Variants in FZR1 observed in about 807,000 individuals in gnomAD.
The protein encoded by FZR1 is fizzy-related protein homolog.
In FZR1, 11 loss-of-function variants were observed where a neutral mutation model predicts 63.6. The ratio of observed to expected loss-of-function variants is 0.17; its 90% CI spans 0.11 to 0.29. FZR1 has a LOEUF of 0.29. FZR1 is among the 10% of genes least tolerant of loss of function. The pLI is 1.00. For missense variants in FZR1, 440 were observed against 687.5 expected (o/e 0.64, Z 4.03); for synonymous variants, 328 against 297.9 (o/e 1.10, Z -1.04).
chr19:3,529,537 T>G (rs2083209025), intron 7 of FZR1, among the ~76,000 whole-genome samples: 2 of 98,738 alleles, frequency 2.0e-5, no homozygotes, highest in Non-Finnish European at 4.1e-5. Context: ...TGGATGAGAG[T>G]GGTTGAGGGA....
intron 1 of FZR1, among the ~76,000 whole-genome samples, chr19:3,520,649 T>C (rs1012970041): frequency 2.0e-5 from 3 of 152,242 alleles, no homozygotes. Context: ...CATGCGTCCC[T>C]TGACTGCGGG....
intron 7 of FZR1, among the ~76,000 whole-genome samples, chr19:3,528,949 CGGATGGGTGAGT>C (rs2083195191): frequency 7.7e-6 from 1 of 129,176 alleles, no homozygotes; most frequent in African/African-American, 3.0e-5. Context: ...GATGGGAGAG[CGGATGGGTGAGT>C]GGATGGGAGA....
chr19:3,534,347 T>C, intron 12 of FZR1, 74 bp from the exon 13 acceptor site: 1 of 767,048 alleles, frequency 1.3e-6, no homozygotes, highest in East Asian at 3.0e-5. Flanking sequence ...TGCTCCCCTC[T>C]CCTTCAGTCC....
chr19:3,525,742 C>T lies in FZR1; in HGVS notation c.70-126C>T, dbSNP rs968082153. ...CGGGCGTGAGCCACCGCGCCTGGCC[C>T]ACCCCTTGGGTTTTCAAGATCAAAG... On this transcript the variant is annotated intron_variant, in intron 2 of 13. Coordinates refer to ENST00000441788, the MANE Select transcript of FZR1 (RefSeq NM_016263.4). This position sits in a 1 kb window ranked among gnomAD's most constrained non-coding sequence, Gnocchi z 4.2. The T allele has an allele frequency of 8.6e-5, 104 of 1,205,926 alleles. No individual in the cohort carries two copies. Among genetic ancestry groups the T allele is most frequent in the Admixed American group, 1.7e-4 (8 of 45,774 alleles). The allele number at this position is 1,205,926 out of a possible 1,614,324, so 74.7% of individuals were successfully genotyped here.
At chr19:3,520,376 C>T (rs565717616) in intron 1 of FZR1, among the ~76,000 whole-genome samples, 28 of 152,256 alleles carry the variant, frequency 1.8e-4, no homozygotes, top group Non-Finnish European at 3.7e-4. Context: ...GCTCTGTGGC[C>T]GCGTGGGCCA....
At position 3,529,805 on chromosome 19, in the gene FZR1, TGGATGGTTGAGTGGATGGGTGAGC is replaced by T. The variant is rs1311581636; in HGVS notation, c.655-980_655-957del. On this transcript the variant is annotated intron_variant, in intron 7 of 13. Coordinates refer to ENST00000441788, the MANE Select transcript of FZR1 (RefSeq NM_016263.4). ...GAGTGGATGAGAGTGGTTGAGGGAG[TGGATGGTTGAGTGGATGGGTGAGC>T]GGATGGGTGAGCGGGTGGGTGAGCG... 8.6e-4 allele frequency among the ~76,000 whole-genome samples: 66 copies of T among 76,462 alleles called. 2 individuals carry two copies. The highest frequency in any genetic ancestry group is 3.9e-3 in the African/African-American group (62 of 15,824). The allele number at this position is 76,462 out of a possible 152,430, so 50.2% of individuals were successfully genotyped here.
Position 3,532,181 on chromosome 19 carries a change from G to A in FZR1, c.1008+86G>A, listed in dbSNP as rs886679473. 64 of 1,248,838 alleles carry A rather than the reference G, an allele frequency of 5.1e-5. 1 individual carries two copies. The highest frequency in any genetic ancestry group is 2.1e-4 in the African/African-American group (14 of 66,192). 77.4% of individuals were successfully genotyped at this position (1,248,838 alleles called of 1,614,324 possible). On this transcript the variant is annotated intron_variant, in intron 10 of 13. Coordinates refer to ENST00000441788, the MANE Select transcript of FZR1 (RefSeq NM_016263.4). ...GGAACGGAAGAGCCTGGGCTGGGGC[G>A]GGCGCGGGCGCGGGGCCCACTCCAC...
chr19:3,524,977 C>T (rs2083138389), intron 2 of FZR1, among the ~76,000 whole-genome samples: 1 of 152,070 alleles, frequency 6.6e-6, no homozygotes, highest in Non-Finnish European at 1.5e-5. Context: ...TCACAGTATC[C>T]TTTTAGGGAC....
chr19:3,534,117 G>A (rs1232314645), intron 12 of FZR1, among the ~76,000 whole-genome samples: 3 of 151,630 alleles, frequency 2.0e-5, no homozygotes, highest in Admixed American at 1.3e-4. Context: ...CTACTCAGGA[G>A]GCTGAGATGG....
Position 3,526,880 on chromosome 19 carries a change from C to T in FZR1, c.388-100C>T. 2.4e-6 allele frequency: 2 copies of T among 844,732 alleles called. No homozygotes were observed. Among genetic ancestry groups the T allele is most frequent in the South Asian group, 1.4e-5 (1 of 69,880 alleles). The allele number at this position is 844,732 out of a possible 1,614,324, so 52.3% of individuals were successfully genotyped here. ...CTCCACACAGGGTCTCAGCACCTGC[C>T]TTAGGGCTATGAGCTGTACCGGGAG... is the stretch of plus-strand genomic sequence containing the variant. On this transcript the variant is annotated intron_variant, in intron 5 of 13. Coordinates refer to ENST00000441788, the MANE Select transcript of FZR1 (RefSeq NM_016263.4). The surrounding 1 kb of genome is among the most constrained non-coding windows in gnomAD (Gnocchi z 5.4).
In FZR1 at chr19:3,525,822, G is replaced by T. The variant is rs550803498; in HGVS notation, c.70-46G>T. On this transcript the variant is annotated intron_variant, in intron 2 of 13. Coordinates refer to ENST00000441788, the MANE Select transcript of FZR1 (RefSeq NM_016263.4). The surrounding 1 kb of genome is among the most constrained non-coding windows in gnomAD (Gnocchi z 4.2). ...AGAGGCTGGCCTGGGGGCACTCTCG[G>T]GGGGCTCTCGGTGCTGAGAGCAAGC... 6 of 1,596,562 alleles carry T rather than the reference G, an allele frequency of 3.8e-6. No individual in the cohort carries two copies. In the Admixed American group the frequency reaches 8.4e-5, roughly 22 times the overall value.
At chr19:3,530,010 A>G (rs2083223231) in intron 7 of FZR1, among the ~76,000 whole-genome samples, 1 of 115,518 alleles carries the variant, frequency 8.7e-6, no homozygotes, top group Non-Finnish European at 1.8e-5. Context: ...GGGAGAGCAG[A>G]TGGGTGAGTG....
At chr19:3,523,392 C>T (rs1472172176) in intron 2 of FZR1, among the ~76,000 whole-genome samples, 1 of 152,214 alleles carries the variant, frequency 6.6e-6, no homozygotes, top group Non-Finnish European at 1.5e-5. Flanking sequence ...ACATCTGGAA[C>T]CCTGTGGGAT....
chr19:3,533,774 GC>G lies in FZR1; in HGVS notation c.1347+377del, dbSNP rs879504512. ...CACGTGGCTGGATGGGGGCCAGGAG[GC>G]GTCCTTGGCCCCACGTGCCCTCACT... is the stretch of plus-strand genomic sequence containing the variant. On this transcript the variant is annotated intron_variant, in intron 12 of 13. Coordinates refer to ENST00000441788, the MANE Select transcript of FZR1 (RefSeq NM_016263.4). The surrounding 1 kb of genome is among the most constrained non-coding windows in gnomAD (Gnocchi z 4.9). 0.046 allele frequency: 9,642 copies of G among 209,928 alleles called. 906 individuals are homozygous for G. Among genetic ancestry groups the G allele is most frequent in the African/African-American group, 0.21 (8,895 of 43,056 alleles). The allele number at this position is 209,928 out of a possible 1,614,324, so 13.0% of individuals were successfully genotyped here.
rs527985851 is a variant in FZR1 at position 3,509,440 on chromosome 19, CTTCT to C, written c.-35+2973_-35+2976del. Among the ~76,000 whole-genome samples the C allele has an allele frequency of 1.2e-3, 180 of 152,344 alleles. 1 individual carries two copies. Among genetic ancestry groups the C allele is most frequent in the African/African-American group, 4.1e-3 (171 of 41,564 alleles). Reference sequence around the variant, plus strand: ...CTTCCTTCAGGCTTCTTCACTGGCCCTTCTTTCTTTATTTAATTTTTGCTCGTAG... The same window carrying C: ...CTTCCTTCAGGCTTCTTCACTGGCCCTTCTTTATTTAATTTTTGCTCGTAG... On this transcript the variant is annotated intron_variant, in intron 1 of 13. Transcript: ENST00000441788.
Position 3,538,198 on chromosome 19 carries a change from G to A in FZR1, c.*3362G>A, listed in dbSNP as rs758096783. The A allele has an allele frequency of 9.3e-5, 15 of 160,586 alleles. No individual in the cohort carries two copies. Among genetic ancestry groups the A allele is most frequent in the African/African-American group, 1.7e-4 (7 of 41,556 alleles). 9.9% of individuals were successfully genotyped at this position (160,586 alleles called of 1,614,324 possible). ...AAGCGGAGACCAGGGTGCAGGCTCC[G>A]CCCCCACCCAAGGCCGGGCCCAGCC... On this transcript the variant is annotated 3_prime_UTR_variant, in exon 14 of 14. Transcript: ENST00000441788.
intron 1 of FZR1, among the ~76,000 whole-genome samples, chr19:3,512,625 C>G: frequency 6.6e-6 from 1 of 152,158 alleles, no homozygotes; most frequent in East Asian, 1.9e-4. Flanking sequence ...GCCTTGGGTC[C>G]CTGGAGCTGC....
At chr19:3,529,008 GTGGA>G (rs2083196159) in intron 7 of FZR1, among the ~76,000 whole-genome samples, 2 of 151,438 alleles carry the variant, frequency 1.3e-5, no homozygotes, top group African/African-American at 4.9e-5. Context: ...AGATGGGAGA[GTGGA>G]TGAGAGTAGT....
In FZR1 at chr19:3,527,596, C is replaced by A. The variant is rs201839829; in HGVS notation, c.471-35C>A. ...CGTTTGCAAGAGGTGACCCAAGTGC[C>A]GTGGCTCACGGATGCCACGTGGCCG... On this transcript the variant is annotated intron_variant, in intron 6 of 13. Transcript: ENST00000441788. 3 of 1,570,228 alleles carry A rather than the reference C, an allele frequency of 1.9e-6. No individual in the cohort carries two copies. In the Admixed American group the frequency reaches 5.1e-5, roughly 27 times the overall value.
Sources: gnomAD v4.1 joint callset for allele counts (sites outside exome capture counted in the v4.1 genomes callset) on GRCh38, gnomAD v4.1.1 for gene constraint, Gnocchi (gnomAD v3.1) non-coding constraint, MANE v1.5 for transcripts, NCBI Gene and HGNC (gene_info 2026-07-23, HGNC 2026-07-21) for gene names.